The following URI1 variants were observed in gnomAD, a reference collection of about 807,000 sequenced individuals.
URI1 encodes the protein URI1 prefoldin like chaperone.
In URI1, 39 loss-of-function variants were observed where a neutral mutation model predicts 60.2. That is an observed-to-expected ratio of 0.65 (90% CI 0.50 to 0.85). The LOEUF (loss-of-function observed/expected upper bound fraction) is 0.85, where lower values mean the gene tolerates loss of function less well. Ranked by LOEUF, URI1 falls within the 40% of genes least tolerant of loss-of-function variation. URI1 has a pLI of 0.00. For missense variants in URI1, 691 were observed against 665.9 expected (o/e 1.04, Z -0.42); for synonymous variants, 251 against 236.8 (o/e 1.06, Z -0.55).
chr19:29,950,010 G>T (rs1326815847), intron 1 of URI1, among the ~76,000 whole-genome samples: 1 of 152,200 alleles, frequency 6.6e-6, no homozygotes, highest in African/African-American at 2.4e-5. Context: ...TTGTATAGCC[G>T]AAGGCACATT....
chr19:29,935,669 T>C lies in URI1; in HGVS notation c.63+11915T>C, dbSNP rs79131433. Among the ~76,000 whole-genome samples the C allele has an allele frequency of 5.8e-3, 882 of 151,428 alleles. 14 individuals are homozygous for C. The highest frequency in any genetic ancestry group is 0.02 in the African/African-American group (845 of 41,458). ...TTTCTCCTTTATTCCTGAAGGATAGTTTGTCTGGTAGGAAATTCTTGGTTG... is the reference window on the plus strand; with the variant it reads ...TTTCTCCTTTATTCCTGAAGGATAGCTTGTCTGGTAGGAAATTCTTGGTTG... On this transcript the variant is annotated intron_variant, in intron 1 of 10. Coordinates refer to the URI1 transcript ENST00000360605.
At position 29,997,480 on chromosome 19, in the gene URI1, G is replaced by C. The variant is rs183769780; in HGVS notation, c.368-7881G>C. Among the ~76,000 whole-genome samples the C allele has an allele frequency of 5.1e-3, 769 of 151,960 alleles. 6 individuals are homozygous for C. Among genetic ancestry groups the C allele is most frequent in the Middle Eastern group, 0.014 (4 of 294 alleles). On this transcript the variant is annotated intron_variant, in intron 4 of 10. Transcript: ENST00000392271. ...AAGATTTGTCAATTTTGTTGATCTT[G>C]TAAAAAACCAACTTTTGGTTGCATT... is the stretch of plus-strand genomic sequence containing the variant.
chr19:29,961,675 G>GTTTTTTTTTTTTTTTTTTTT (rs200425572), intron 1 of URI1, among the ~76,000 whole-genome samples: 9 of 117,632 alleles, frequency 7.7e-5, no homozygotes, highest in Admixed American at 8.6e-5. Context: ...TTTTTTTTTT[G>GTTTTTTTTTTTTTTTTTTTT]TTTTTTTTTT....
Position 30,009,258 on chromosome 19 carries a change from G to T in URI1, c.940G>T (p.Asp314Tyr). 1 of 1,613,910 alleles carries T rather than the reference G, an allele frequency of 6.2e-7. No homozygotes were observed. The highest frequency in any genetic ancestry group is 8.5e-7 in the Non-Finnish European group (1 of 1,179,906). The change falls in exon 8 of 11, where the codon GAC (aspartate) becomes TAC (tyrosine). Residue 314 changes from aspartate (D) to tyrosine (Y), a missense_variant. Transcript: ENST00000392271. ...TGATGACGACGACGACGACAACATTGACGACGATGATGGTGATAACGACCA... is the reference window on the plus strand; with the variant it reads ...TGATGACGACGACGACGACAACATTTACGACGATGATGGTGATAACGACCA... ...DDDDDDDDNI[D>Y]DDDGDNDHEA...
At chr19:29,935,931 C>T (rs1281893929) in intron 1 of URI1, among the ~76,000 whole-genome samples, 2 of 151,330 alleles carry the variant, frequency 1.3e-5, no homozygotes, top group Non-Finnish European at 2.9e-5. Context: ...GGACTACAGG[C>T]ACCCGCCACC....
intron 1 of URI1, among the ~76,000 whole-genome samples, chr19:29,943,820 CAT>C (rs1477396511): frequency 6.6e-6 from 1 of 151,840 alleles, no homozygotes; most frequent in African/African-American, 2.4e-5. Context: ...GTTTGGAAGC[CAT>C]GTTTTCAAGA....
chr19:29,928,345 T>G (rs578032145), intron 1 of URI1, among the ~76,000 whole-genome samples: 2 of 152,164 alleles, frequency 1.3e-5, no homozygotes, highest in South Asian at 4.1e-4. Flanking sequence ...GCTCCCAACA[T>G]GCATCCAAGG....
upstream of URI1, among the ~76,000 whole-genome samples, chr19:29,941,143 G>A (rs1392135072): frequency 6.6e-6 from 1 of 152,234 alleles, no homozygotes; most frequent in African/African-American, 2.4e-5. Flanking sequence ...GGCACACCAG[G>A]CTGTGACTCT....
At chr19:29,959,467 A>G (rs1187709035) in intron 1 of URI1, among the ~76,000 whole-genome samples, 1 of 152,208 alleles carries the variant, frequency 6.6e-6, no homozygotes, top group African/African-American at 2.4e-5. Flanking sequence ...AGAGTTCATC[A>G]ACAAAGCCGT....
At chr19:29,944,606 A>G (rs2145230490) in intron 1 of URI1, among the ~76,000 whole-genome samples, 1 of 152,294 alleles carries the variant, frequency 6.6e-6, no homozygotes, top group South Asian at 2.1e-4. Flanking sequence ...TTTCAGTTAC[A>G]GTCTTGTGGC....
At chr19:29,947,539 T>A (rs1311705766) in intron 1 of URI1, among the ~76,000 whole-genome samples, 1 of 152,264 alleles carries the variant, frequency 6.6e-6, no homozygotes, top group African/African-American at 2.4e-5. Context: ...TTTTCATATT[T>A]GCTAGCCAAT....
intron 1 of URI1, among the ~76,000 whole-genome samples, chr19:29,945,375 C>G (rs2055090535): frequency 6.6e-6 from 1 of 152,136 alleles, no homozygotes; most frequent in African/African-American, 2.4e-5. Context: ...TTTACGCTCT[C>G]TCTCTCTTTT....
At chr19:29,929,300 TA>T (rs1599644423) in intron 1 of URI1, among the ~76,000 whole-genome samples, 1 of 151,666 alleles carries the variant, frequency 6.6e-6, no homozygotes. Context: ...TTCCATTAAT[TA>T]AAAAAAAATT....
chr19:29,990,277 C>A (rs1163950508), intron 4 of URI1, among the ~76,000 whole-genome samples: 1 of 152,116 alleles, frequency 6.6e-6, no homozygotes, highest in Admixed American at 6.5e-5. Flanking sequence ...AAAATTGGAA[C>A]CCTCATTCAT....
chr19:30,000,521 ATTGTT>A (rs2055865549), intron 4 of URI1, among the ~76,000 whole-genome samples: 1 of 151,760 alleles, frequency 6.6e-6, no homozygotes, highest in South Asian at 2.1e-4. Flanking sequence ...CCTGCTTCTT[ATTGTT>A]AAGTAGACTG....
chr19:29,943,079 T>C (rs764870955), intron 1 of URI1, among the ~76,000 whole-genome samples: 1 of 152,178 alleles, frequency 6.6e-6, no homozygotes, highest in African/African-American at 2.4e-5. Flanking sequence ...TGTGCAATAT[T>C]TGGTTATTTA....
chr19:30,011,041 C>T (rs2056010919), intron 8 of URI1, 53 bp from the exon 9 acceptor site: 2 of 1,568,792 alleles, frequency 1.3e-6, no homozygotes, highest in South Asian at 2.4e-5. Flanking sequence ...GTTTTGGTTT[C>T]ACTTTGATTT....
chr19:29,956,350 T>C, intron 1 of URI1: 1 of 877,680 alleles, frequency 1.1e-6, no homozygotes, highest in South Asian at 1.5e-5. Context: ...CATTGAAATA[T>C]CACAAGTATG....
In URI1 at chr19:29,942,650, G is replaced by T. The variant is rs2055045501; in HGVS notation, c.103G>T (p.Glu35Ter). ...CGCCCCGGATGTGGCGCGGCTGCGC[G>T]AGGAGCAGGAAAAGGTAACTAGCAG... ...LRAPDVARLREEQEKVVTNCQ... is the reference protein window; with the variant it reads ...LRAPDVARLR Residue 35 changes from glutamate to a stop codon, truncating the protein, a stop_gained, in exon 1 of 11, where the codon GAG (glutamate) becomes TAG (stop). Coordinates refer to ENST00000392271, the MANE Select transcript of URI1 (RefSeq NM_003796.3). LOFTEE classifies it high-confidence loss of function. The T allele has an allele frequency of 1.4e-6, 2 of 1,443,764 alleles. No homozygotes were observed. The highest frequency in any genetic ancestry group is 1.5e-5 in the African/African-American group (1 of 67,790). 89.4% of individuals were successfully genotyped at this position (1,443,764 alleles called of 1,614,324 possible).
Sources: gnomAD v4.1 joint callset for allele counts (sites outside exome capture counted in the v4.1 genomes callset) on GRCh38, gnomAD v4.1.1 for gene constraint, MANE v1.5 for transcripts, NCBI Gene and HGNC (gene_info 2026-07-23, HGNC 2026-07-21) for gene names.